The following SPECC1L variants were observed in gnomAD, a reference collection of about 807,000 sequenced individuals.
SPECC1L encodes sperm antigen with calponin homology and coiled-coil domains 1 like.
In SPECC1L, 40 loss-of-function variants were observed where a neutral mutation model predicts 116.8. The ratio of observed to expected loss-of-function variants is 0.34; its 90% CI spans 0.27 to 0.45. The LOEUF (loss-of-function observed/expected upper bound fraction) is 0.45, where lower values mean the gene tolerates loss of function less well. Among genes scored for constraint, SPECC1L ranks in the 20% least tolerant of loss-of-function variants. SPECC1L has a pLI of 1.00. For missense variants in SPECC1L, 1,110 were observed against 1,373.6 expected, an observed-to-expected ratio of 0.81 and a Z score of 3.03; for synonymous variants, 504 against 500.6, an observed-to-expected ratio of 1.01 and a Z score of -0.09.
chr22:24,340,140 C>CTTTTTTT lies in SPECC1L; in HGVS notation c.2652+1683_2652+1689dup, dbSNP rs765402107. Among the ~76,000 whole-genome samples, 12 of 105,140 alleles carry CTTTTTTT rather than the reference C, an allele frequency of 1.1e-4. 1 individual carries two copies. Among genetic ancestry groups the CTTTTTTT allele is most frequent in the African/African-American group, 4.6e-4 (10 of 21,704 alleles). 69.0% of individuals were successfully genotyped at this position (105,140 alleles called of 152,430 possible). A position where few individuals can be genotyped will look rare whatever the true frequency, so the allele number is the denominator to read the frequency against. The stretch of plus-strand genomic sequence containing the variant: ...AATACTGTTCCACCAATTTAATGAC[C>CTTTTTTT]TTTTTTTTTTTTTTTTTTTTTTTTT... On this transcript the variant is annotated intron_variant, in intron 10 of 16. Transcript: ENST00000314328.
At chr22:24,356,086 G>A (rs1273247113) in intron 11 of SPECC1L, among the ~76,000 whole-genome samples, 1 of 151,972 alleles carries the variant, frequency 6.6e-6, no homozygotes, top group African/African-American at 2.4e-5. Flanking sequence ...AAATCATACA[G>A]CATACAGCTT....
At position 24,411,757 on chromosome 22, in the gene SPECC1L, G is replaced by A. The variant is rs1350163742; in HGVS notation, c.3204+53G>A. 4.2e-6 allele frequency: 6 copies of A among 1,444,662 alleles called. No individual in the cohort carries two copies. In the African/African-American group the frequency reaches 7.0e-5, roughly 17 times the overall value. The allele number at this position is 1,444,662 out of a possible 1,614,324, so 89.5% of individuals were successfully genotyped here. ...ACCCACCTCACAGGGTTGGAGGGCT[G>A]AGAACCAAGGGCAGCACCTGCCTCA... On this transcript the variant is annotated intron_variant, in intron 15 of 16. Coordinates refer to ENST00000314328, the MANE Select transcript of SPECC1L (RefSeq NM_015330.6).
At chr22:24,272,619 GTCTC>G (rs2092606319) in intron 1 of SPECC1L, among the ~76,000 whole-genome samples, 1 of 148,854 alleles carries the variant, frequency 6.7e-6, no homozygotes, top group African/African-American at 2.5e-5. Context: ...GTGAACCGAG[GTCTC>G]GCCACTGCAC....
At position 24,326,123 on chromosome 22, in the gene SPECC1L, T is replaced by G. The variant is rs371482161; in HGVS notation, c.2146+1696T>G. 2.8e-4 allele frequency among the ~76,000 whole-genome samples: 42 copies of G among 152,256 alleles called. No homozygotes were observed. The East Asian group carries it at 7.9e-3, about 29-fold the overall frequency. ...CGCCCACTACCACACCCGGCTAATT[T>G]TTTATTTTTAGTAGAGACAGGGTTT... On this transcript the variant is annotated intron_variant, in intron 6 of 16. Coordinates refer to ENST00000314328, the MANE Select transcript of SPECC1L (RefSeq NM_015330.6).
chr22:24,366,778 A>G (rs1383623395), intron 13 of SPECC1L, among the ~76,000 whole-genome samples: 1 of 152,182 alleles, frequency 6.6e-6, no homozygotes, highest in Admixed American at 6.5e-5. Flanking sequence ...CTAAGTTTAT[A>G]TTTTATTCAT....
intron 14 of SPECC1L, among the ~76,000 whole-genome samples, chr22:24,384,140 T>A: frequency 6.7e-6 from 1 of 148,462 alleles, no homozygotes; most frequent in African/African-American, 2.5e-5. Context: ...AGGGACATAA[T>A]AGAAGGGTTA....
rs550713451 is a variant in SPECC1L, at chr22:24,314,897, C to G, written c.307+1431C>G. On this transcript the variant is annotated intron_variant, in intron 4 of 16. Transcript: ENST00000314328. ...AGCCTCTGATGATCAGTGCCTAGAT[C>G]CATTCATTCTAATTCTGCCATCTTT... 1.1e-4 allele frequency among the ~76,000 whole-genome samples: 17 copies of G among 152,328 alleles called. No homozygotes were observed. The East Asian group carries it at 2.7e-3, about 24-fold the overall frequency.
intron 14 of SPECC1L, among the ~76,000 whole-genome samples, chr22:24,381,547 G>T (rs2042061842): frequency 6.6e-6 from 1 of 152,120 alleles, no homozygotes; most frequent in South Asian, 2.1e-4. Flanking sequence ...GTATATTTAT[G>T]TGTTATGCTT....
At chr22:24,408,129 G>C (rs1412038190) in intron 14 of SPECC1L, among the ~76,000 whole-genome samples, 5 of 152,166 alleles carry the variant, frequency 3.3e-5, no homozygotes, top group Non-Finnish European at 5.9e-5. Context: ...GTCCTGTCCT[G>C]TCTTCTCTGC....
chr22:24,310,461 G>A (rs1405548807), intron 3 of SPECC1L, among the ~76,000 whole-genome samples: 1 of 152,188 alleles, frequency 6.6e-6, no homozygotes, highest in East Asian at 1.9e-4. Flanking sequence ...CTTATGTCAA[G>A]GTGCATCCCA....
At chr22:24,380,005 G>A (rs2042035697) in intron 14 of SPECC1L, among the ~76,000 whole-genome samples, 1 of 152,082 alleles carries the variant, frequency 6.6e-6, no homozygotes, top group Non-Finnish European at 1.5e-5. Context: ...AGAGTAACTG[G>A]GATTACAGGC....
At chr22:24,300,370 A>G (rs935834383) in intron 2 of SPECC1L, among the ~76,000 whole-genome samples, 160 of 152,244 alleles carry the variant, frequency 1.1e-3, no homozygotes, top group African/African-American at 3.8e-3. Flanking sequence ...TTCTTCATCC[A>G]GTGTATCATT....
chr22:24,364,352 T>C (rs757051893), intron 12 of SPECC1L, among the ~76,000 whole-genome samples: 5 of 152,206 alleles, frequency 3.3e-5, no homozygotes, highest in Admixed American at 2.6e-4. Flanking sequence ...TTCTGTCTTA[T>C]TGATTTAGTT....
At chr22:24,315,760 G>A (rs1317087136) in intron 4 of SPECC1L, among the ~76,000 whole-genome samples, 1 of 152,206 alleles carries the variant, frequency 6.6e-6, no homozygotes, top group Non-Finnish European at 1.5e-5. Flanking sequence ...CAGACTGGAT[G>A]GCTTAAGCCA....
intron 2 of SPECC1L, among the ~76,000 whole-genome samples, chr22:24,292,721 A>T (rs1386619334): frequency 3.3e-5 from 5 of 152,146 alleles, no homozygotes; most frequent in East Asian, 3.8e-4. Flanking sequence ...TATGTGAATT[A>T]TCTGACATTA....
intron 14 of SPECC1L, among the ~76,000 whole-genome samples, chr22:24,370,376 A>T (rs1332247428): frequency 6.6e-6 from 1 of 152,224 alleles, no homozygotes; most frequent in Non-Finnish European, 1.5e-5. Context: ...AAAATAATTT[A>T]AAAAAAGAAT....
At chr22:24,279,288 A>G (rs1299048657) in intron 2 of SPECC1L, among the ~76,000 whole-genome samples, 1 of 152,242 alleles carries the variant, frequency 6.6e-6, no homozygotes, top group Non-Finnish European at 1.5e-5. Context: ...GTATGTAGAT[A>G]TGCAACCTGG....
In SPECC1L at chr22:24,321,377, AAC is replaced by A; in HGVS notation, c.398_399del (p.Asn133ThrfsTer13). On this transcript the variant is annotated frameshift_variant, in exon 5 of 17. Coordinates refer to ENST00000314328, the MANE Select transcript of SPECC1L (RefSeq NM_015330.6). LOFTEE classifies it high-confidence loss of function. ...RERLRERTRL[N>X]QSKKLPSAGQ... ...AAGATTACGTGAACGTACCCGATTA[AAC>A]CAGAGCAAAAAACTACCTTCTGCAG... 1 of 1,614,264 alleles carries A rather than the reference AAC, an allele frequency of 6.2e-7. No individual in the cohort carries two copies. Among genetic ancestry groups the A allele is most frequent in the Non-Finnish European group, 8.5e-7 (1 of 1,180,046 alleles).
At chr22:24,301,686 A>G (rs574414294) in intron 2 of SPECC1L, among the ~76,000 whole-genome samples, 2 of 152,294 alleles carry the variant, frequency 1.3e-5, no homozygotes, top group South Asian at 4.1e-4. Flanking sequence ...AAGTTGAAAC[A>G]TTGTAAAGTT....
Sources: gnomAD v4.1 joint callset for allele counts (sites outside exome capture counted in the v4.1 genomes callset) on GRCh38, gnomAD v4.1.1 for gene constraint, MANE v1.5 for transcripts, NCBI Gene and HGNC (gene_info 2026-07-23, HGNC 2026-07-21) for gene names.